ATL3: variants seen among roughly 807,000 people sequenced by gnomAD.
ATL3 encodes atlastin-3.
ATL3 carries 49 observed loss-of-function variants against 69.5 expected under a neutral mutation model. The observed-to-expected ratio is 0.71, with a 90% CI of 0.56 to 0.89. The LOEUF (loss-of-function observed/expected upper bound fraction) is 0.89, where lower values mean the gene tolerates loss of function less well. Among genes scored for constraint, ATL3 ranks in the 40% least tolerant of loss-of-function variants. ATL3 has a pLI of 0.00. For missense variants in ATL3, 606 were observed against 645.7 expected (o/e 0.94, Z 0.67); for synonymous variants, 214 against 224.1 (o/e 0.95, Z 0.40).
At chr11:63,660,005 T>G (rs1260352115) in intron 1 of ATL3, among the ~76,000 whole-genome samples, 4 of 151,206 alleles carry the variant, frequency 2.6e-5, no homozygotes, top group Non-Finnish European at 5.9e-5. Flanking sequence ...ATTGTGCACA[T>G]GTACCCTAAA....
At position 63,667,719 on chromosome 11, in the gene ATL3, G is replaced by A. The variant is rs527668232; in HGVS notation, c.46+3571C>T. Among the ~76,000 whole-genome samples the A allele has an allele frequency of 1.3e-3, 199 of 150,124 alleles. 1 individual carries two copies. Among genetic ancestry groups the A allele is most frequent in the African/African-American group, 4.8e-3 (195 of 40,778 alleles). On this transcript the variant is annotated intron_variant, in intron 1 of 12. Coordinates refer to ENST00000398868, the MANE Select transcript of ATL3 (RefSeq NM_015459.5). ...ATGGAGGCTGCAGTGAGCTGAGATC[G>A]CGCCATTGCACTCCAGCCTGGGTGA...
rs1339506437 is a variant in ATL3 at position 63,635,526 on chromosome 11, T to C, written c.1035+8A>G. On this transcript the variant is annotated splice_region_variant and intron_variant, in intron 10 of 12. Coordinates refer to ENST00000398868, the MANE Select transcript of ATL3 (RefSeq NM_015459.5). ...GGGTAGCGTTTAGGATGTCAAATCA[T>C]TGTTTACCTGAAGCATGGACTTGGG... 2 of 1,610,114 alleles carry C rather than the reference T, an allele frequency of 1.2e-6. No homozygotes were observed. Among genetic ancestry groups the C allele is most frequent in the South Asian group, 2.2e-5 (2 of 90,866 alleles).
In ATL3 at chr11:63,653,684, C is replaced by T. The variant is rs139780482; in HGVS notation, c.406-1109G>A. Among the ~76,000 whole-genome samples, 33 of 152,208 alleles carry T rather than the reference C, an allele frequency of 2.2e-4. No homozygotes were observed. The East Asian group carries it at 6.0e-3, about 28-fold the overall frequency. ...TAAAAAGAAATGAACTATCAAGACACGAAAGAGTTGCAGAAATCTTAAAAT... is the reference window on the plus strand; with the variant it reads ...TAAAAAGAAATGAACTATCAAGACATGAAAGAGTTGCAGAAATCTTAAAAT... On this transcript the variant is annotated intron_variant, in intron 3 of 12. Coordinates refer to ENST00000398868, the MANE Select transcript of ATL3 (RefSeq NM_015459.5).
At position 63,644,159 on chromosome 11, in the gene ATL3, T is replaced by G; in HGVS notation, c.711+10A>C. On this transcript the variant is annotated intron_variant, in intron 7 of 12. Coordinates refer to ENST00000398868, the MANE Select transcript of ATL3 (RefSeq NM_015459.5). ...GAGATAATTCATCAGAAGATTATAGTCCCACTTACCTGTAAACGCTTATCC... is the reference window on the plus strand; with the variant it reads ...GAGATAATTCATCAGAAGATTATAGGCCCACTTACCTGTAAACGCTTATCC... 1 of 1,557,184 alleles carries G rather than the reference T, an allele frequency of 6.4e-7. No homozygotes were observed. Among genetic ancestry groups the G allele is most frequent in the Non-Finnish European group, 8.8e-7 (1 of 1,136,394 alleles).
intron 3 of ATL3, among the ~76,000 whole-genome samples, chr11:63,658,353 T>C (rs1227600381): frequency 6.6e-6 from 1 of 152,124 alleles, no homozygotes; most frequent in Non-Finnish European, 1.5e-5. Context: ...CATGTTGAAA[T>C]AGGAATTAAC....
intron 10 of ATL3, among the ~76,000 whole-genome samples, chr11:63,633,726 A>AG (rs1346322660): frequency 2.4e-5 from 3 of 126,478 alleles, no homozygotes; most frequent in East Asian, 2.3e-4. Context: ...TCAAAAAAAA[A>AG]AAAAAAAGAA....
chr11:63,649,268 T>C (rs1565277243), intron 5 of ATL3, among the ~76,000 whole-genome samples: 1 of 152,182 alleles, frequency 6.6e-6, no homozygotes, highest in Non-Finnish European at 1.5e-5. Context: ...GAAATATTAA[T>C]GTGTTTAATC....
At chr11:63,654,329 T>G (rs1043831742) in intron 3 of ATL3, among the ~76,000 whole-genome samples, 1 of 151,874 alleles carries the variant, frequency 6.6e-6, no homozygotes, top group Non-Finnish European at 1.5e-5. Context: ...GTATTTTTAG[T>G]AGAGACGGGG....
intron 1 of ATL3, among the ~76,000 whole-genome samples, 166 bp downstream of exon 1, chr11:63,671,123 GC>G (rs575817029): frequency 1.3e-5 from 2 of 152,152 alleles, no homozygotes; most frequent in East Asian, 3.9e-4. Flanking sequence ...CCGAAGAGGG[GC>G]CCCCCCACCA....
At chr11:63,664,278 C>A (rs1940508495) in intron 1 of ATL3, among the ~76,000 whole-genome samples, 1 of 152,262 alleles carries the variant, frequency 6.6e-6, no homozygotes, top group East Asian at 1.9e-4. Flanking sequence ...GTGGCCCATG[C>A]CTGTAATCCC....
intron 3 of ATL3, among the ~76,000 whole-genome samples, chr11:63,655,796 C>A (rs1940224191): frequency 6.6e-6 from 1 of 151,992 alleles, no homozygotes; most frequent in Non-Finnish European, 1.5e-5. Flanking sequence ...GCAAGAGGCA[C>A]ATGTAATAGG....
At position 63,626,883 on chromosome 11, in the gene ATL3, A is replaced by G. The variant is rs986980360; in HGVS notation, c.*2436T>C. ...TGTTGAGAGAAAAGAGGCCAAAGAA[A>G]ACTCTTAAGAACCCTCACTGAGAAA... On this transcript the variant is annotated 3_prime_UTR_variant, in exon 13 of 13. Transcript: ENST00000398868. 2.0e-5 allele frequency: 3 copies of G among 152,124 alleles called. No individual in the cohort carries two copies. The highest frequency in any genetic ancestry group is 4.4e-5 in the Non-Finnish European group (3 of 68,042). 9.4% of individuals were successfully genotyped at this position (152,124 alleles called of 1,614,324 possible).
In ATL3 at chr11:63,628,032, A is replaced by G. The variant is rs879124818; in HGVS notation, c.*1287T>C. On this transcript the variant is annotated 3_prime_UTR_variant, in exon 13 of 13. Coordinates refer to ENST00000398868, the MANE Select transcript of ATL3 (RefSeq NM_015459.5). ...AATTAGACATCAATTAAACGCAGTA[A>G]TATTTGTATCTTCCCTCTAATCCTT... is the stretch of plus-strand genomic sequence containing the variant. 1.3e-5 allele frequency: 2 copies of G among 152,212 alleles called. No homozygotes were observed. The highest frequency in any genetic ancestry group is 2.9e-5 in the Non-Finnish European group (2 of 68,038). The allele number at this position is 152,212 out of a possible 1,614,324, so 9.4% of individuals were successfully genotyped here. A position where few individuals can be genotyped will look rare whatever the true frequency, so the allele number is the denominator to read the frequency against.
At chr11:63,636,566 C>T (rs1460096819) in intron 8 of ATL3, among the ~76,000 whole-genome samples, 1 of 152,050 alleles carries the variant, frequency 6.6e-6, no homozygotes, top group African/African-American at 2.4e-5. Context: ...TGGTGAAACC[C>T]CGTCTCTACT....
intron 1 of ATL3, among the ~76,000 whole-genome samples, chr11:63,669,108 C>G (rs1940688633): frequency 6.6e-6 from 1 of 150,836 alleles, no homozygotes; most frequent in African/African-American, 2.4e-5. Flanking sequence ...GCTGGGATTA[C>G]AGGAGTAAAC....
intron 8 of ATL3, among the ~76,000 whole-genome samples, chr11:63,642,523 G>C (rs1260983233): frequency 6.6e-6 from 1 of 152,112 alleles, no homozygotes; most frequent in Non-Finnish European, 1.5e-5. Context: ...TATAACAGAA[G>C]AACCCCTATT....
At chr11:63,660,404 T>G (rs1419294889) in intron 1 of ATL3, among the ~76,000 whole-genome samples, 1 of 152,128 alleles carries the variant, frequency 6.6e-6, no homozygotes, top group African/African-American at 2.4e-5. Context: ...TGGCTAAAAT[T>G]TAAAGACTGA....
intron 5 of ATL3, among the ~76,000 whole-genome samples, chr11:63,647,447 C>T (rs1939920743): frequency 6.6e-6 from 1 of 152,204 alleles, no homozygotes; most frequent in Admixed American, 6.5e-5. Context: ...CCTGCCTCGG[C>T]CTTCCAAAGT....
At chr11:63,642,611 C>T (rs752809903) in intron 8 of ATL3, among the ~76,000 whole-genome samples, 2 of 152,194 alleles carry the variant, frequency 1.3e-5, no homozygotes, top group Non-Finnish European at 2.9e-5. Context: ...TAGCTGAGCA[C>T]TTTGAGCAAG....
Sources: allele counts gnomAD v4.1 joint callset (sites outside exome capture counted in the v4.1 genomes callset), GRCh38; gene constraint gnomAD v4.1.1; transcripts MANE v1.5; gene names NCBI Gene and HGNC (gene_info 2026-07-23, HGNC 2026-07-21).